Variants in SLC1A6 observed in about 807,000 individuals in gnomAD.
The protein encoded by SLC1A6 is excitatory amino acid transporter 4.
In SLC1A6, 15 loss-of-function variants were observed where a neutral mutation model predicts 42.1. That is an observed-to-expected ratio of 0.36 (90% CI 0.24 to 0.55). SLC1A6 has a LOEUF of 0.55. Among genes scored for constraint, SLC1A6 ranks in the 20% least tolerant of loss-of-function variants. The pLI, the probability that SLC1A6 is intolerant of heterozygous loss-of-function variation, is 0.88. For missense variants in SLC1A6, 542 were observed against 772.5 expected (o/e 0.70, Z 3.54); for synonymous variants, 317 against 319.7 (o/e 0.99, Z 0.09).
At chr19:15,003,841 T>C (rs2045883817) in intron 1 of SLC1A6, among the ~76,000 whole-genome samples, 2 of 152,170 alleles carry the variant, frequency 1.3e-5, no homozygotes, top group Admixed American at 6.6e-5. Flanking sequence ...GGAATTTCTA[T>C]AAAGTGTTCT....
Position 14,962,154 on chromosome 19 carries a change from G to T in SLC1A6, c.783C>A (p.Gly261=). Residue 261 remains glycine (G), a synonymous_variant, in exon 6 of 10, where the codon GGC becomes GGA. Coordinates refer to ENST00000594383, the MANE Select transcript of SLC1A6 (RefSeq NM_005071.3). ...LSFEETVPVP[G]SANGINALGL... ...CCAGGGCGTTGATGCCATTGGCGGA[G>T]CCAGGCACGGGTACAGTCTCCTCAA... 2 of 1,614,212 alleles carry T rather than the reference G, an allele frequency of 1.2e-6. No individual in the cohort carries two copies.
At position 14,986,617 on chromosome 19, in the gene SLC1A6, G is replaced by T. The variant is rs1227191428; in HGVS notation, c.7-13700C>A. ...TGGCTTTTTTTTTTTTTAAGACAGGGTCTCCCTCTGTCACCCAGGCTGGAG... is the reference window on the plus strand; with the variant it reads ...TGGCTTTTTTTTTTTTTAAGACAGGTTCTCCCTCTGTCACCCAGGCTGGAG... On this transcript the variant is annotated intron_variant, in intron 1 of 8. Coordinates refer to the SLC1A6 transcript ENST00000430939. Among the ~76,000 whole-genome samples, 4 of 149,230 alleles carry T rather than the reference G, an allele frequency of 2.7e-5. No individual in the cohort carries two copies. The East Asian group carries it at 7.8e-4, about 29-fold the overall frequency.
At chr19:14,984,138 C>G (rs1290588555), upstream of SLC1A6, among the ~76,000 whole-genome samples, 2 of 151,916 alleles carry the variant, frequency 1.3e-5, no homozygotes, top group African/African-American at 4.8e-5. Flanking sequence ...GGAGAAACCC[C>G]GTCTCTACTA....
chr19:14,953,098 G>A (rs373481201), intron 8 of SLC1A6, 36 bp from the exon 9 acceptor site: 26 of 1,534,980 alleles, frequency 1.7e-5, no homozygotes, highest in Non-Finnish European at 2.3e-5. Context: ...AGCAGATGGA[G>A]GGAAGAAGGC....
chr19:14,959,997 G>A (rs2045494944), intron 6 of SLC1A6, among the ~76,000 whole-genome samples: 1 of 152,156 alleles, frequency 6.6e-6, no homozygotes, highest in Admixed American at 6.5e-5. Flanking sequence ...AGCTTGTTGA[G>A]GACAAGGTAT....
At chr19:14,987,879 G>A (rs8105755) in intron 1 of SLC1A6, among the ~76,000 whole-genome samples, 75,466 of 151,920 alleles carry the variant, frequency 0.5, 18,969 homozygotes, top group South Asian at 0.63. Flanking sequence ...GGTTTTTTGA[G>A]ACAGGATCTG....
intron 1 of SLC1A6, among the ~76,000 whole-genome samples, chr19:14,994,733 C>T (rs938202522): frequency 6.6e-6 from 1 of 152,186 alleles, no homozygotes; most frequent in African/African-American, 2.4e-5. Context: ...GGGCAAACCC[C>T]CTTGCCTTTC....
At chr19:14,972,466 G>C (rs963818429) in intron 2 of SLC1A6, among the ~76,000 whole-genome samples, 2 of 152,226 alleles carry the variant, frequency 1.3e-5, no homozygotes, top group African/African-American at 2.4e-5. Flanking sequence ...ATATATGTGA[G>C]TGTGTGTGTA....
In SLC1A6 at chr19:14,962,405, A is replaced by C. The variant is rs111438659; in HGVS notation, c.592-60T>G. The C allele has an allele frequency of 2.3e-6, 3 of 1,301,358 alleles. No individual in the cohort carries two copies. The Admixed American group carries it at 5.7e-5, about 25-fold the overall frequency. 80.6% of individuals were successfully genotyped at this position (1,301,358 alleles called of 1,614,324 possible). On this transcript the variant is annotated intron_variant, in intron 5 of 9. Transcript: ENST00000594383. The stretch of plus-strand genomic sequence containing the variant: ...CAGCGGATGCATTAGAATCGCCTGG[A>C]GAAATTCCTTGAGACCACTGATTCC...
chr19:14,970,794 C>T (rs111260989), intron 3 of SLC1A6, among the ~76,000 whole-genome samples: 10,917 of 151,812 alleles, frequency 0.072, 575 homozygotes, highest in East Asian at 0.23. Context: ...GTAAGGCTTC[C>T]AGTCAATAGT....
In SLC1A6 at chr19:14,971,022, C is replaced by T. The variant is rs183000451; in HGVS notation, c.343+715G>A. ...GTGCGTGCCTGTAGTCCCAGCTACTCGGGAGGCTGAAGTGGAGGAATTGCT... is the reference window on the plus strand; with the variant it reads ...GTGCGTGCCTGTAGTCCCAGCTACTTGGGAGGCTGAAGTGGAGGAATTGCT... On this transcript the variant is annotated intron_variant, in intron 3 of 9. Coordinates refer to ENST00000594383, the MANE Select transcript of SLC1A6 (RefSeq NM_005071.3). Among the ~76,000 whole-genome samples, 548 of 152,134 alleles carry T rather than the reference C, an allele frequency of 3.6e-3. 4 individuals carry two copies. The highest frequency in any genetic ancestry group is 0.012 in the African/African-American group (504 of 41,500).
At chr19:14,953,574 G>A (rs552519911) in intron 8 of SLC1A6, among the ~76,000 whole-genome samples, 1 of 151,882 alleles carries the variant, frequency 6.6e-6, no homozygotes, top group African/African-American at 2.4e-5. Context: ...TTCTAGTATG[G>A]GAAGCAGGCA....
Position 14,972,473 on chromosome 19 carries a change from T to C in SLC1A6, c.205+233A>G, listed in dbSNP as rs113616339. 1.8e-3 allele frequency among the ~76,000 whole-genome samples: 276 copies of C among 152,384 alleles called. 1 individual carries two copies. Among genetic ancestry groups the C allele is most frequent in the Non-Finnish European group, 3.1e-3 (208 of 68,040 alleles). Reference sequence around the variant, plus strand: ...GTATATGTATATATGTGAGTGTGTGTGTACACATGGATATGCATGTAACAT... The same window carrying C: ...GTATATGTATATATGTGAGTGTGTGCGTACACATGGATATGCATGTAACAT... On this transcript the variant is annotated intron_variant, in intron 2 of 9. Transcript: ENST00000594383.
chr19:15,010,009 C>G (rs2045917055), intron 1 of SLC1A6, among the ~76,000 whole-genome samples: 1 of 80,358 alleles, frequency 1.2e-5, no homozygotes, highest in Non-Finnish European at 2.3e-5. Context: ...GAAACCCCGT[C>G]TCTACTAAAA....
chr19:15,002,112 C>G (rs1303461455), intron 1 of SLC1A6, among the ~76,000 whole-genome samples: 2 of 152,040 alleles, frequency 1.3e-5, no homozygotes, highest in East Asian at 3.9e-4. Flanking sequence ...TGTTTTGAGA[C>G]AGGATCTTGC....
Position 14,951,266 on chromosome 19 carries a change from A to AG in SLC1A6, c.1500-877_1500-876insC, listed in dbSNP as rs1437523246. 1.1e-4 allele frequency among the ~76,000 whole-genome samples: 14 copies of AG among 126,332 alleles called. 3 individuals are homozygous for AG. The highest frequency in any genetic ancestry group is 3.5e-4 in the African/African-American group (11 of 31,124). 82.9% of individuals were successfully genotyped at this position (126,332 alleles called of 152,430 possible). On this transcript the variant is annotated intron_variant, in intron 9 of 9. Coordinates refer to ENST00000594383, the MANE Select transcript of SLC1A6 (RefSeq NM_005071.3). ...GACTCTGTCTCACAAAAAAAAAAAA[A>AG]AAAAAAAAAAAAGAAAGAAAAGAAA...
Position 14,971,750 on chromosome 19 carries a change from G to T in SLC1A6, c.330C>A (p.Ser110=), listed in dbSNP as rs2145202330. The T allele has an allele frequency of 6.2e-7, 1 of 1,614,092 alleles. No homozygotes were observed. Among genetic ancestry groups the T allele is most frequent in the African/African-American group, 1.3e-5 (1 of 75,048 alleles). Residue 110 remains serine (S), a synonymous_variant, in exon 3 of 10, where the codon TCC becomes TCA. Coordinates refer to ENST00000594383, the MANE Select transcript of SLC1A6 (RefSeq NM_005071.3). Reference sequence around the variant, plus strand: ...GGGCTCTCTCACCTGTGACCAGGCTGGAGACAATGAGAGGTAACACCAGCA... The same window carrying T: ...GGGCTCTCTCACCTGTGACCAGGCTTGAGACAATGAGAGGTAACACCAGCA... ...LQMLVLPLIV[S]SLVTGMASLD...
intron 1 of SLC1A6, among the ~76,000 whole-genome samples, chr19:14,997,100 A>G (rs1333711338): frequency 6.6e-6 from 1 of 152,218 alleles, no homozygotes; most frequent in Non-Finnish European, 1.5e-5. Flanking sequence ...CTCCCTCACA[A>G]GGAATTTCCT....
intron 1 of SLC1A6, among the ~76,000 whole-genome samples, chr19:14,984,954 TC>T (rs1347104622): frequency 9.2e-5 from 14 of 152,142 alleles, no homozygotes; most frequent in African/African-American, 2.9e-4. Flanking sequence ...TGATCTCGGC[TC>T]ACTGCAACCT....
Sources: allele counts gnomAD v4.1 joint callset (sites outside exome capture counted in the v4.1 genomes callset), GRCh38; gene constraint gnomAD v4.1.1; transcripts MANE v1.5; gene names NCBI Gene and HGNC (gene_info 2026-07-23, HGNC 2026-07-21).